AFF1: variants seen among roughly 807,000 people sequenced by gnomAD.
AFF1 encodes ALF transcription elongation factor 1.
Under a neutral mutation model 121.7 loss-of-function variants are expected in AFF1, and 48 were observed. That is an observed-to-expected ratio of 0.39 (90% CI 0.31 to 0.50). The LOEUF (loss-of-function observed/expected upper bound fraction) is 0.50. AFF1 is among the 20% of genes least tolerant of loss of function. The probability of loss-of-function intolerance (pLI) is 0.76; values close to 1 mark genes in which losing one functional copy is unlikely to be tolerated. For missense variants in AFF1, 1,523 were observed against 1,511.7 expected, an observed-to-expected ratio of 1.01 and a Z score of -0.12; for synonymous variants, 613 against 563.0, an observed-to-expected ratio of 1.09 and a Z score of -1.26.
intron 1 of AFF1, among the ~76,000 whole-genome samples, chr4:86,941,651 CATAAATAAATAA>C (rs71657599): frequency 4.0e-5 from 6 of 150,660 alleles, no homozygotes; most frequent in Non-Finnish European, 5.9e-5. Context: ...GACTCTGTCT[CATAAATAAATAA>C]ATAAATAAAT....
chr4:86,947,819 G>GT (rs71831049), intron 1 of AFF1, among the ~76,000 whole-genome samples: 31,966 of 148,542 alleles, frequency 0.22, 3,699 homozygotes, highest in Middle Eastern at 0.31. Flanking sequence ...GTTTTTGTTT[G>GT]TTTTTTTTTT....
chr4:87,029,472 T>C (rs1402270859), intron 2 of AFF1, among the ~76,000 whole-genome samples: 1 of 152,202 alleles, frequency 6.6e-6, no homozygotes, highest in Non-Finnish European at 1.5e-5. Context: ...CACCAGACTT[T>C]TGAAGAATCA....
intron 7 of AFF1, 57 bp from the exon 8 acceptor site, chr4:87,094,858 C>A: frequency 6.4e-7 from 1 of 1,562,732 alleles, no homozygotes; most frequent in Middle Eastern, 1.7e-4. Flanking sequence ...GAACTCACAA[C>A]TAAGGATCTT....
At chr4:87,058,572 G>C (rs1368320032) in intron 4 of AFF1, among the ~76,000 whole-genome samples, 1 of 151,516 alleles carries the variant, frequency 6.6e-6, no homozygotes. Flanking sequence ...TAATCTCACA[G>C]AAGGAGGTGT....
In AFF1 at chr4:87,094,830, CTG is replaced by C. The variant is rs1724666146; in HGVS notation, c.1229-84_1229-83del. On this transcript the variant is annotated intron_variant, in intron 7 of 20. Transcript: ENST00000395146. ...CAAGTGCAGTGTGTTTAGGTAAAAA[CTG>C]GGGACCGACATAAAAGAACTCACAA... The C allele has an allele frequency of 2.3e-6, 3 of 1,326,404 alleles. No homozygotes were observed. The African/African-American group carries it at 4.4e-5, about 19-fold the overall frequency. The allele number at this position is 1,326,404 out of a possible 1,614,324, so 82.2% of individuals were successfully genotyped here.
In AFF1 at chr4:87,039,199, A is replaced by G. The variant is rs148419581; in HGVS notation, c.39-6967A>G. ...ATATGCTATTTCCTTTTTTAGTGTG[A>G]AGGAAAGAGAAAAAGGAATCACTCT... On this transcript the variant is annotated intron_variant, in intron 2 of 20. Coordinates refer to ENST00000395146, the MANE Select transcript of AFF1 (RefSeq NM_001166693.3). Among the ~76,000 whole-genome samples, 392 of 152,308 alleles carry G rather than the reference A, an allele frequency of 2.6e-3. 5 individuals are homozygous for G. Among genetic ancestry groups the G allele is most frequent in the African/African-American group, 8.2e-3 (342 of 41,566 alleles).
rs775459904 is a variant in AFF1, at chr4:87,091,812, C to T, written c.1211C>T (p.Ser404Phe). 5 of 1,559,960 alleles carry T rather than the reference C, an allele frequency of 3.2e-6. No homozygotes were observed. The highest frequency in any genetic ancestry group is 4.3e-6 in the Non-Finnish European group (5 of 1,154,066). The change falls in exon 7 of 21, where the codon TCT becomes TTT. Residue 404 changes from serine to phenylalanine, a missense_variant. Coordinates refer to ENST00000395146, the MANE Select transcript of AFF1 (RefSeq NM_001166693.3). ...FPTKDSQHVS[S>F]VTQNQKQYDT... is the part of the protein sequence containing the mutation. Reference sequence around the variant, plus strand: ...TTCTAGGACTCTCAGCATGTCAGTTCTGTAACCCAAAACCAAAGTAAGTAA... The same window carrying T: ...TTCTAGGACTCTCAGCATGTCAGTTTTGTAACCCAAAACCAAAGTAAGTAA...
intron 2 of AFF1, among the ~76,000 whole-genome samples, chr4:86,996,988 T>C (rs941354523): frequency 2.0e-5 from 3 of 152,196 alleles, no homozygotes; most frequent in Non-Finnish European, 2.9e-5. Context: ...CTCAGCTCAC[T>C]GCAACCTCTG....
At chr4:87,101,812 A>G (rs1049714729) in intron 8 of AFF1, among the ~76,000 whole-genome samples, 4 of 152,248 alleles carry the variant, frequency 2.6e-5, no homozygotes, top group South Asian at 2.1e-4. Context: ...AGTAACTACT[A>G]TGAGCACTTA....
intron 4 of AFF1, among the ~76,000 whole-genome samples, chr4:87,065,465 A>G (rs768130374): frequency 9.9e-5 from 15 of 151,858 alleles, no homozygotes; most frequent in Non-Finnish European, 1.6e-4. Flanking sequence ...CAGCATATCA[A>G]ACAAACCTAG....
At chr4:87,090,540 G>A (rs961119167) in intron 6 of AFF1, among the ~76,000 whole-genome samples, 3 of 152,088 alleles carry the variant, frequency 2.0e-5, no homozygotes, top group Non-Finnish European at 2.9e-5. Flanking sequence ...TGAACAATGC[G>A]TTAAAACACT....
chr4:87,117,437 A>G (rs1727238866), intron 12 of AFF1, among the ~76,000 whole-genome samples: 1 of 152,202 alleles, frequency 6.6e-6, no homozygotes, highest in African/African-American at 2.4e-5. Flanking sequence ...AACCCCGGCT[A>G]CACATTACAT....
intron 4 of AFF1, among the ~76,000 whole-genome samples, chr4:87,079,373 C>T (rs1408260185): frequency 6.6e-6 from 1 of 152,232 alleles, no homozygotes; most frequent in Non-Finnish European, 1.5e-5. Context: ...TACAGTTACA[C>T]AATGTCATTC....
intron 2 of AFF1, among the ~76,000 whole-genome samples, chr4:86,964,177 G>A (rs545677380): frequency 4.8e-4 from 72 of 148,844 alleles, no homozygotes; most frequent in African/African-American, 1.7e-3. Context: ...AGGCTAGGGT[G>A]CAATGGTGTG....
At chr4:87,003,407 A>G (rs955407994) in intron 2 of AFF1, among the ~76,000 whole-genome samples, 2 of 152,094 alleles carry the variant, frequency 1.3e-5, no homozygotes, top group Admixed American at 6.5e-5. Context: ...AGAACTATAT[A>G]TCCAGCTAAT....
At chr4:87,094,437 T>C (rs2149722248) in intron 7 of AFF1, among the ~76,000 whole-genome samples, 1 of 152,318 alleles carries the variant, frequency 6.6e-6, no homozygotes, top group South Asian at 2.1e-4. Context: ...TGAGGTAGTC[T>C]ATAAATAGCT....
intron 19 of AFF1, among the ~76,000 whole-genome samples, 192 bp downstream of exon 19, chr4:87,132,600 A>G (rs925435842): frequency 3.3e-5 from 5 of 152,236 alleles, no homozygotes; most frequent in African/African-American, 1.2e-4. Context: ...ATAGTTATAA[A>G]TCAAGGTTTT....
At chr4:86,945,782 A>G (rs1001956515) in intron 1 of AFF1, among the ~76,000 whole-genome samples, 2 of 152,006 alleles carry the variant, frequency 1.3e-5, no homozygotes, top group Non-Finnish European at 2.9e-5. Flanking sequence ...ATGAGCCACC[A>G]TGCTTGGCCC....
At chr4:86,982,779 C>T (rs990965956) in intron 2 of AFF1, among the ~76,000 whole-genome samples, 6 of 129,910 alleles carry the variant, frequency 4.6e-5, no homozygotes, top group African/African-American at 1.7e-4. Context: ...ACCCAGGAGG[C>T]GGAGGTTGTG....
Sources: gnomAD v4.1 joint callset for allele counts (sites outside exome capture counted in the v4.1 genomes callset) on GRCh38, gnomAD v4.1.1 for gene constraint, MANE v1.5 for transcripts, NCBI Gene and HGNC (gene_info 2026-07-23, HGNC 2026-07-21) for gene names.